The following TEX2 variants were observed in gnomAD, a reference collection of about 807,000 sequenced individuals.
TEX2 encodes testis expressed 2.
TEX2 carries 53 observed loss-of-function variants against 106.9 expected under a neutral mutation model. The observed-to-expected ratio is 0.50, with a 90% CI of 0.40 to 0.62. The LOEUF (loss-of-function observed/expected upper bound fraction) is 0.62, where lower values mean the gene tolerates loss of function less well. Ranked by LOEUF, TEX2 falls within the 20% of genes least tolerant of loss-of-function variation. The pLI is 0.00. For synonymous variants in TEX2, 523 were observed against 534.8 expected (o/e 0.98, Z 0.30); for missense variants, 1,207 against 1,379.0 (o/e 0.88, Z 1.98).
intron 6 of TEX2, among the ~76,000 whole-genome samples, chr17:64,174,963 C>T (rs929065780): frequency 1.3e-5 from 2 of 152,228 alleles, no homozygotes; most frequent in Non-Finnish European, 2.9e-5. Context: ...GCAAAGAGTT[C>T]TCCATATGTC....
chr17:64,240,346 C>T lies in TEX2; in HGVS notation c.-26+22822G>A, dbSNP rs558395460. 7.2e-5 allele frequency among the ~76,000 whole-genome samples: 11 copies of T among 152,246 alleles called. 1 individual carries two copies. The South Asian group carries it at 1.7e-3, about 23-fold the overall frequency. On this transcript the variant is annotated intron_variant, in intron 1 of 11. Coordinates refer to ENST00000584379, the MANE Select transcript of TEX2 (RefSeq NM_001288732.2). ...AACAGCACTTGTCACTGCCCACCCA[C>T]GGGCCAGCCCACGACACCCTGTCCT...
In TEX2 at chr17:64,150,959, T is replaced by C; in HGVS notation, c.3143A>G (p.Tyr1048Cys). ...CACATGTGGTGGCTTTCGGAAACCATACCTTTTTGAAGACAAGTAATAACC... is the reference window on the plus strand; with the variant it reads ...CACATGTGGTGGCTTTCGGAAACCACACCTTTTTGAAGACAAGTAATAACC... ...IPPPPTDRVW[Y>C]GFRKPPHVEL... The change falls in exon 11 of 12, where the codon TAT becomes TGT. Residue 1048 changes from tyrosine (Y) to cysteine (C), a missense_variant and splice_region_variant. Tyr to Cys is a radical substitution (Grantham distance 194). This residue lies in a region of TEX2 where 63 missense variants were observed against 112.2 expected (regional missense o/e 0.56). Transcript: ENST00000584379. 1 of 1,613,556 alleles carries C rather than the reference T, an allele frequency of 6.2e-7. No individual in the cohort carries two copies.
At chr17:64,193,472 C>T (rs1462558900) in intron 4 of TEX2, 87 bp downstream of exon 4, 55 of 1,172,684 alleles carry the variant, frequency 4.7e-5, no homozygotes, top group Non-Finnish European at 5.8e-5. Flanking sequence ...GGCTTCCTTC[C>T]TTCCTTCCTT....
At chr17:64,207,739 T>C (rs1173410688) in intron 2 of TEX2, among the ~76,000 whole-genome samples, 1 of 151,804 alleles carries the variant, frequency 6.6e-6, no homozygotes, top group Non-Finnish European at 1.5e-5. Flanking sequence ...CCTTTTTTTT[T>C]TCTTTTTTTT....
chr17:64,250,339 A>AG (rs1417279513), intron 1 of TEX2, among the ~76,000 whole-genome samples: 3 of 152,254 alleles, frequency 2.0e-5, no homozygotes, highest in African/African-American at 7.2e-5. Flanking sequence ...GAGCAACTTT[A>AG]GTGAGCAGGT....
At chr17:64,225,872 C>A (rs1454530097) in intron 1 of TEX2, among the ~76,000 whole-genome samples, 2 of 152,114 alleles carry the variant, frequency 1.3e-5, no homozygotes, top group African/African-American at 4.8e-5. Context: ...TGTATGCCAC[C>A]ACAACCAGCT....
intron 10 of TEX2, 125 bp from the exon 11 acceptor site, chr17:64,151,086 ATGCCCTC>A: frequency 2.6e-6 from 3 of 1,151,076 alleles, no homozygotes; most frequent in Non-Finnish European, 3.6e-6. Flanking sequence ...TCTTCTGAAA[ATGCCCTC>A]TAAAAATATT....
chr17:64,208,069 GA>G (rs2032890292), intron 2 of TEX2, among the ~76,000 whole-genome samples: 1 of 151,954 alleles, frequency 6.6e-6, no homozygotes, highest in Non-Finnish European at 1.5e-5. Context: ...TTGCATTCAG[GA>G]GGGCAGCACT....
intron 11 of TEX2, 43 bp from the exon 12 acceptor site, chr17:64,149,134 T>G: frequency 6.2e-7 from 1 of 1,604,150 alleles, no homozygotes; most frequent in South Asian, 1.1e-5. Context: ...AAGAATGCCT[T>G]GCCAGGCTGT....
In TEX2 at chr17:64,188,377, C is replaced by T. The variant is rs552153537; in HGVS notation, c.2215G>A (p.Gly739Arg). Reference sequence around the variant, plus strand: ...CTGCTGCGGCTGTGGGTCAGGTGCCCGGACGGACTGTTGTGTCTGCTGTGT... The same window carrying T: ...CTGCTGCGGCTGTGGGTCAGGTGCCTGGACGGACTGTTGTGTCTGCTGTGT... ...PAHSRHNSPS[G>R]HLTHSRSSSK... Residue 739 changes from glycine (G) to arginine (R), a missense_variant, in exon 5 of 12, where the codon GGG (glycine) becomes AGG (arginine). By Grantham distance (125) the Gly-to-Arg change is moderately radical. Transcript: ENST00000584379. The T allele has an allele frequency of 5.0e-5, 81 of 1,614,188 alleles. No individual in the cohort carries two copies. The highest frequency in any genetic ancestry group is 1.7e-4 in the Middle Eastern group (1 of 6,056).
intron 1 of TEX2, among the ~76,000 whole-genome samples, chr17:64,260,161 C>T (rs536744922): frequency 4.1e-4 from 62 of 152,294 alleles, no homozygotes; most frequent in African/African-American, 1.4e-3. Context: ...AGACAGACAT[C>T]GGCATCTAAC....
chr17:64,229,948 T>C (rs1051538083), intron 1 of TEX2, among the ~76,000 whole-genome samples: 1 of 152,152 alleles, frequency 6.6e-6, no homozygotes, highest in African/African-American at 2.4e-5. Flanking sequence ...AATTAGCCGT[T>C]TCCCCCAGTC....
At chr17:64,211,183 ACTC>A (rs1284920537) in intron 2 of TEX2, among the ~76,000 whole-genome samples, 1 of 151,746 alleles carries the variant, frequency 6.6e-6, no homozygotes, top group Non-Finnish European at 1.5e-5. Flanking sequence ...CTGGTCTTGA[ACTC>A]CTGACCTCAA....
chr17:64,164,536 T>G (rs1249917421), intron 7 of TEX2, among the ~76,000 whole-genome samples: 3 of 152,162 alleles, frequency 2.0e-5, no homozygotes, highest in Middle Eastern at 6.8e-3. Flanking sequence ...ATGCTGTTTT[T>G]CCACTCTTCA....
chr17:64,259,602 G>T (rs915996990), intron 1 of TEX2, among the ~76,000 whole-genome samples: 45 of 152,296 alleles, frequency 3.0e-4, no homozygotes, highest in African/African-American at 9.1e-4. Context: ...AGGCAAATTG[G>T]AAAATGTTCC....
intron 11 of TEX2, chr17:64,150,603 C>T: frequency 3.5e-6 from 1 of 286,546 alleles, no homozygotes; most frequent in East Asian, 6.9e-5. Context: ...TGCTCTGACC[C>T]AAATCTTTTG....
intron 2 of TEX2, among the ~76,000 whole-genome samples, chr17:64,210,330 A>G (rs2032958469): frequency 6.6e-6 from 1 of 152,246 alleles, no homozygotes; most frequent in South Asian, 2.1e-4. Flanking sequence ...GAAAGAAAGA[A>G]AAAAGGTCAG....
At chr17:64,161,125 C>G (rs940102367) in intron 7 of TEX2, among the ~76,000 whole-genome samples, 192 bp from the exon 8 acceptor site, 4 of 152,144 alleles carry the variant, frequency 2.6e-5, no homozygotes, top group African/African-American at 7.2e-5. Context: ...TGGAATACAT[C>G]GAGCCCCTGG....
In TEX2 at chr17:64,193,622, T is replaced by G. The variant is rs1478466746; in HGVS notation, c.2113A>C (p.Ile705Leu). ...REKEEWFRRF[I>L]LASKLKSEIK... ...TCCGACTTTAGCTTAGATGCCAGAATAAATCTCCTAAACCATTCCTCTTTT... is the reference window on the plus strand; with the variant it reads ...TCCGACTTTAGCTTAGATGCCAGAAGAAATCTCCTAAACCATTCCTCTTTT... The change falls in exon 4 of 12, where the codon ATT becomes CTT. Residue 705 changes from isoleucine (I) to leucine (L), a missense_variant. This residue lies in a region of TEX2 where 1,067 missense variants were observed against 1,193.6 expected (regional missense o/e 0.89). Transcript: ENST00000584379. The G allele has an allele frequency of 6.8e-7, 1 of 1,479,216 alleles. No individual in the cohort carries two copies. Among genetic ancestry groups the G allele is most frequent in the African/African-American group, 1.4e-5 (1 of 70,380 alleles). The allele number at this position is 1,479,216 out of a possible 1,614,324, so 91.6% of individuals were successfully genotyped here.
Sources: gnomAD v4.1 joint callset for allele counts (sites outside exome capture counted in the v4.1 genomes callset) on GRCh38, gnomAD v4.1.1 for gene constraint, gnomAD v4.1.1 regional missense constraint, MANE v1.5 for transcripts, NCBI Gene and HGNC (gene_info 2026-07-23, HGNC 2026-07-21) for gene names.